FAM168B: variants seen among roughly 807,000 people sequenced by gnomAD.
FAM168B encodes the protein myelin-associated neurite-outgrowth inhibitor.
A neutral mutation model predicts 21.8 loss-of-function variants in FAM168B; 19 were observed. That is an observed-to-expected ratio of 0.87 (90% confidence interval 0.61 to 1.28). The LOEUF is 1.28. FAM168B is among the 50% of genes most tolerant of loss of function. The pLI is 0.00. For missense variants in FAM168B, 233 were observed against 263.1 expected (o/e 0.89, Z 0.79); for synonymous variants, 126 against 104.8 (o/e 1.20, Z -1.24).
At chr2:131,079,499 C>G (rs1268884444) in intron 2 of FAM168B, among the ~76,000 whole-genome samples, 2 of 152,068 alleles carry the variant, frequency 1.3e-5, no homozygotes, top group Non-Finnish European at 2.9e-5. Context: ...AAAAGACACA[C>G]AGGAGAGGAT....
intron 3 of FAM168B, among the ~76,000 whole-genome samples, chr2:131,058,463 T>C (rs1469093758): frequency 1.3e-5 from 2 of 152,172 alleles, no homozygotes; most frequent in Non-Finnish European, 1.5e-5. Context: ...ACACCCAGAT[T>C]TGTCTGCATC....
chr2:131,090,194 G>A (rs571667124), intron 1 of FAM168B, among the ~76,000 whole-genome samples: 18 of 146,970 alleles, frequency 1.2e-4, no homozygotes, highest in Admixed American at 1.4e-4. Context: ...GGTGGCAGGC[G>A]CCTGTACCCA....
At chr2:131,062,751 C>G (rs1322191059) in intron 3 of FAM168B, among the ~76,000 whole-genome samples, 1 of 152,108 alleles carries the variant, frequency 6.6e-6, no homozygotes, top group African/African-American at 2.4e-5. Flanking sequence ...TCCGGCCTAC[C>G]CAAGGTGTCT....
At chr2:131,058,856 T>C (rs1692158852) in intron 3 of FAM168B, among the ~76,000 whole-genome samples, 1 of 152,206 alleles carries the variant, frequency 6.6e-6, no homozygotes, top group African/African-American at 2.4e-5. Flanking sequence ...GTACACTTAG[T>C]TGTATGCCAA....
chr2:131,067,771 A>G (rs1692644968), intron 3 of FAM168B, among the ~76,000 whole-genome samples: 1 of 152,160 alleles, frequency 6.6e-6, no homozygotes, highest in South Asian at 2.1e-4. Context: ...ACCTTCAGAG[A>G]AAGACAGAGA....
intron 2 of FAM168B, among the ~76,000 whole-genome samples, chr2:131,075,008 G>A (rs749899592): frequency 6.6e-5 from 10 of 152,096 alleles, no homozygotes; most frequent in Non-Finnish European, 1.2e-4. Flanking sequence ...CTCAGCAGAA[G>A]CCATTCCGGG....
At position 131,055,706 on chromosome 2, in the gene FAM168B, G is replaced by A; in HGVS notation, c.155-11C>T. 3 of 1,612,988 alleles carry A rather than the reference G, an allele frequency of 1.9e-6. No homozygotes were observed. Among genetic ancestry groups the A allele is most frequent in the Non-Finnish European group, 2.5e-6 (3 of 1,179,522 alleles). On this transcript the variant is annotated splice_polypyrimidine_tract_variant and intron_variant, in intron 3 of 6. Transcript: ENST00000389915. ...TGCCAGGAGTGTAACCTGGAACAAAGAAGGCAATGGCCTGAGTTCACCCAA... is the reference window on the plus strand; with the variant it reads ...TGCCAGGAGTGTAACCTGGAACAAAAAAGGCAATGGCCTGAGTTCACCCAA...
intron 2 of FAM168B, among the ~76,000 whole-genome samples, chr2:131,076,570 G>A (rs948211755): frequency 1.3e-5 from 2 of 151,082 alleles, no homozygotes; most frequent in African/African-American, 2.4e-5. Context: ...GGAGAATGGC[G>A]TGAACCTGGG....
intron 3 of FAM168B, among the ~76,000 whole-genome samples, chr2:131,061,004 A>G (rs1573763325): frequency 6.7e-6 from 1 of 149,220 alleles, no homozygotes; most frequent in Non-Finnish European, 1.5e-5. Flanking sequence ...GGCGCCCACC[A>G]CCAAGCCTGG....
intron 1 of FAM168B, among the ~76,000 whole-genome samples, chr2:131,087,139 TGTG>T (rs1693748772): frequency 6.7e-6 from 1 of 149,492 alleles, no homozygotes; most frequent in Non-Finnish European, 1.5e-5. Context: ...GCAAAAATTC[TGTG>T]GAGGAGGGAA....
At chr2:131,083,055 T>C (rs1693499865) in intron 1 of FAM168B, among the ~76,000 whole-genome samples, 1 of 151,936 alleles carries the variant, frequency 6.6e-6, no homozygotes, top group South Asian at 2.1e-4. Flanking sequence ...ACCCCATCTC[T>C]ACTAAAAATA....
chr2:131,051,120 C>T lies in FAM168B; in HGVS notation c.*1345G>A. The T allele has an allele frequency of 5.1e-6, 5 of 985,410 alleles. No homozygotes were observed. The highest frequency in any genetic ancestry group is 6.0e-6 in the Non-Finnish European group (5 of 829,958). 61.0% of individuals were successfully genotyped at this position (985,410 alleles called of 1,614,324 possible). A position where few individuals can be genotyped will look rare whatever the true frequency, so the allele number is the denominator to read the frequency against. On this transcript the variant is annotated 3_prime_UTR_variant, in exon 7 of 7. Transcript: ENST00000389915. ...TGCCTGGCCCTCTCTGCTGTCTGTG[C>T]TTGCTTTGTGCCAAGTGCCCTCAGC...
intron 3 of FAM168B, among the ~76,000 whole-genome samples, chr2:131,061,556 G>A (rs948418079): frequency 3.9e-5 from 6 of 152,036 alleles, no homozygotes; most frequent in African/African-American, 7.2e-5. Flanking sequence ...TGAGGCAGGC[G>A]GATCACCTGA....
In FAM168B at chr2:131,051,223, C is replaced by T; in HGVS notation, c.*1242G>A. 5.1e-6 allele frequency: 5 copies of T among 985,130 alleles called. No homozygotes were observed. Among genetic ancestry groups the T allele is most frequent in the South Asian group, 4.7e-5 (1 of 21,268 alleles). The allele number at this position is 985,130 out of a possible 1,614,324, so 61.0% of individuals were successfully genotyped here. On this transcript the variant is annotated 3_prime_UTR_variant, in exon 7 of 7. Coordinates refer to ENST00000389915, the MANE Select transcript of FAM168B (RefSeq NM_001009993.4). ...TCGCCCCATCTCTAAGCGTCCCCTC[C>T]AGCCGGCCTCAGCAGACAAGTCACC... is the stretch of plus-strand genomic sequence containing the variant.
chr2:131,055,360 T>A lies in FAM168B; in HGVS notation c.387A>T (p.Ala129=), dbSNP rs1691955665. The change falls in exon 5 of 7, where the codon GCA becomes GCT. Residue 129 remains alanine, a synonymous_variant. Coordinates refer to ENST00000389915, the MANE Select transcript of FAM168B (RefSeq NM_001009993.4). ...TTVVQPNGMP[A]TVYPAPIPPP... ...GGGGGATGGGAGCAGGGTACACCGT[T>A]GCAGGCATGCCGTTGGGCTGCACCA... The A allele has an allele frequency of 6.3e-7, 1 of 1,597,026 alleles. No individual in the cohort carries two copies. Among genetic ancestry groups the A allele is most frequent in the Non-Finnish European group, 8.5e-7 (1 of 1,175,498 alleles).
intron 3 of FAM168B, among the ~76,000 whole-genome samples, chr2:131,069,714 C>T (rs1483024910): frequency 5.9e-5 from 9 of 152,000 alleles, no homozygotes; most frequent in South Asian, 2.1e-4. Flanking sequence ...AGGATGGTCT[C>T]GATCTCCTGA....
intron 2 of FAM168B, among the ~76,000 whole-genome samples, chr2:131,080,119 G>GA (rs1054773949): frequency 2.7e-4 from 38 of 138,652 alleles, no homozygotes; most frequent in South Asian, 4.5e-4. Flanking sequence ...CTCTGTCTCA[G>GA]AAAAAAAAAA....
chr2:131,086,406 G>A (rs1693700072), intron 1 of FAM168B, among the ~76,000 whole-genome samples: 1 of 152,126 alleles, frequency 6.6e-6, no homozygotes, highest in Non-Finnish European at 1.5e-5. Context: ...TGTTCACAAA[G>A]ATGGAAACGA....
In FAM168B at chr2:131,078,896, G is replaced by A. The variant is rs186164864; in HGVS notation, c.70+3681C>T. Among the ~76,000 whole-genome samples the A allele has an allele frequency of 2.0e-5, 3 of 151,874 alleles. 1 individual carries two copies. Among genetic ancestry groups the A allele is most frequent in the Admixed American group, 2.0e-4 (3 of 15,250 alleles). On this transcript the variant is annotated intron_variant, in intron 2 of 6. Transcript: ENST00000389915. ...AGCTACTTGGGAGGCTGAGGCAGGA[G>A]GATCCCTTGAGTCCAAGGAGTTTGA...
Sources: gnomAD v4.1 joint callset for allele counts (sites outside exome capture counted in the v4.1 genomes callset) on GRCh38, gnomAD v4.1.1 for gene constraint, MANE v1.5 for transcripts, NCBI Gene and HGNC (gene_info 2026-07-23, HGNC 2026-07-21) for gene names.